The following CATSPERT variants were observed in gnomAD, a reference collection of about 807,000 sequenced individuals.
CATSPERT encodes the protein catsper channel auxiliary subunit tau.
chr2:201,559,512 C>A, the CATSPERT span, among the ~76,000 whole-genome samples: 3 of 152,156 alleles, frequency 2.0e-5, no homozygotes, highest in Admixed American at 2.0e-4. Context: ...AACAGCCCCA[C>A]AAGTTGCTCT....
At chr2:201,577,104 C>T in the CATSPERT span, among the ~76,000 whole-genome samples, 1 of 152,118 alleles carries the variant, frequency 6.6e-6, no homozygotes, top group African/African-American at 2.4e-5. Flanking sequence ...GACTTTGTTT[C>T]ATGCACAAAA....
chr2:201,584,580 C>T, the CATSPERT span, among the ~76,000 whole-genome samples: 4 of 151,828 alleles, frequency 2.6e-5, no homozygotes, highest in Admixed American at 6.6e-5. Flanking sequence ...GTCAGGAGTT[C>T]GAGACCAGCC....
At chr2:201,543,908 T>C in the CATSPERT span, among the ~76,000 whole-genome samples, 1 of 152,164 alleles carries the variant, frequency 6.6e-6, no homozygotes, top group Non-Finnish European at 1.5e-5. Flanking sequence ...GTGCACAACA[T>C]ACAGATTTGT....
At chr2:201,598,784 T>C in the CATSPERT span, among the ~76,000 whole-genome samples, 1 of 152,130 alleles carries the variant, frequency 6.6e-6, no homozygotes, top group African/African-American at 2.4e-5. Flanking sequence ...TTTCACCATG[T>C]TAATCAGGCT....
chr2:201,547,969 T>C, the CATSPERT span, among the ~76,000 whole-genome samples: 2 of 152,144 alleles, frequency 1.3e-5, no homozygotes, highest in African/African-American at 2.4e-5. Flanking sequence ...TCAATATATA[T>C]TACTCTTAGT....
At chr2:201,537,431 C>G in the CATSPERT span, 2 of 1,587,024 alleles carry the variant, frequency 1.3e-6, no homozygotes, top group Non-Finnish European at 1.7e-6. Context: ...TCCAATTTCC[C>G]TTACCTCATT....
the CATSPERT span, among the ~76,000 whole-genome samples, chr2:201,617,507 G>A: frequency 6.6e-6 from 1 of 152,176 alleles, no homozygotes; most frequent in Non-Finnish European, 1.5e-5. Flanking sequence ...CTCGCCATAC[G>A]TAGAAAGCTG....
At chr2:201,589,961 CTTTTCTTTTTAT>C in the CATSPERT span, among the ~76,000 whole-genome samples, 6 of 151,702 alleles carry the variant, frequency 4.0e-5, no homozygotes, top group Non-Finnish European at 8.8e-5. Flanking sequence ...TAAACGGATA[CTTTTCTTTTTAT>C]TTATTTATTT....
chr2:201,599,388 C>T, the CATSPERT span, among the ~76,000 whole-genome samples: 1 of 152,008 alleles, frequency 6.6e-6, no homozygotes, highest in African/African-American at 2.4e-5. Context: ...ATACTAACTA[C>T]TAACTGCATA....
chr2:201,584,079 A>G, the CATSPERT span, among the ~76,000 whole-genome samples: 1 of 151,480 alleles, frequency 6.6e-6, no homozygotes, highest in African/African-American at 2.4e-5. Flanking sequence ...GCTTCAGCCC[A>G]GGAGTTTGAT....
At chr2:201,530,043 A>T in the CATSPERT span, among the ~76,000 whole-genome samples, 1 of 152,228 alleles carries the variant, frequency 6.6e-6, no homozygotes, top group Admixed American at 6.5e-5. Context: ...GCAAATTGAA[A>T]CCACAATATG....
At chr2:201,514,399 A>G in the CATSPERT span, among the ~76,000 whole-genome samples, 2 of 152,204 alleles carry the variant, frequency 1.3e-5, no homozygotes, top group Admixed American at 6.5e-5. Context: ...ATATCTGTGC[A>G]TTAATATTTT....
the CATSPERT span, among the ~76,000 whole-genome samples, chr2:201,601,459 T>C: frequency 3.3e-5 from 5 of 151,866 alleles, no homozygotes; most frequent in African/African-American, 1.2e-4. Context: ...AAGAGCAAGA[T>C]AGAGATAAAT....
the CATSPERT span, among the ~76,000 whole-genome samples, chr2:201,515,609 T>C: frequency 4.9e-4 from 74 of 152,132 alleles, 2 homozygotes; most frequent in Non-Finnish European, 9.9e-4. Context: ...TGAGCAAAAC[T>C]TACTGTCTGG....
At chr2:201,563,417 C>CT in the CATSPERT span, among the ~76,000 whole-genome samples, 9 of 86,354 alleles carry the variant, frequency 1.0e-4, no homozygotes, top group African/African-American at 2.9e-4. Context: ...GGGCGGGGGG[C>CT]TGACCCCCTC....
chr2:201,575,067 A>AGAGGAGGAGGAAGAG, the CATSPERT span, among the ~76,000 whole-genome samples: 7 of 142,896 alleles, frequency 4.9e-5, no homozygotes, highest in East Asian at 2.1e-4. Context: ...AAGAAGAAGA[A>AGAGGAGGAGGAAGAG]GAGGAGGAAG....
chr2:201,540,002 C>T, the CATSPERT span, among the ~76,000 whole-genome samples: 3 of 152,030 alleles, frequency 2.0e-5, no homozygotes, highest in African/African-American at 7.3e-5. Context: ...CAGCTTATTG[C>T]AGATATGGAG....
the CATSPERT span, among the ~76,000 whole-genome samples, chr2:201,597,633 G>C: frequency 6.6e-6 from 1 of 152,192 alleles, no homozygotes; most frequent in Non-Finnish European, 1.5e-5. Context: ...GGAGCTCACC[G>C]CTTGTGCTTC....
the CATSPERT span, among the ~76,000 whole-genome samples, chr2:201,594,509 A>C: frequency 2.0e-5 from 3 of 152,100 alleles, no homozygotes; most frequent in South Asian, 6.2e-4. Flanking sequence ...GTATTTCCTG[A>C]ATCTGAATGT....
Sources: gnomAD v4.1 joint callset for allele counts (sites outside exome capture counted in the v4.1 genomes callset) on GRCh38, gnomAD v4.1.1 for gene constraint, MANE v1.5 for transcripts, NCBI Gene and HGNC (gene_info 2026-07-23, HGNC 2026-07-21) for gene names.